SGCE: variants seen among roughly 807,000 people sequenced by gnomAD.
The protein encoded by SGCE is sarcoglycan epsilon.
A neutral mutation model predicts 57.8 loss-of-function variants in SGCE; 26 were observed. The observed-to-expected ratio is 0.45, with a 90% confidence interval of 0.33 to 0.62. SGCE has a LOEUF of 0.62. Ranked by LOEUF, SGCE falls within the 20% of genes least tolerant of loss-of-function variation. The pLI, the probability that SGCE is intolerant of heterozygous loss-of-function variation, is 0.02. For missense variants in SGCE, 468 were observed against 548.6 expected, an observed-to-expected ratio of 0.85 and a Z score of 1.47; for synonymous variants, 183 against 189.5, an observed-to-expected ratio of 0.97 and a Z score of 0.28.
chr7:94,596,901 T>C (rs1039619242), intron 9 of SGCE, among the ~76,000 whole-genome samples: 3 of 152,148 alleles, frequency 2.0e-5, no homozygotes, highest in Non-Finnish European at 4.4e-5. Flanking sequence ...AATAATAACC[T>C]TAAAGAATAA....
intron 10 of SGCE, 79 bp downstream of exon 10, chr7:94,588,610 T>C: frequency 3.9e-6 from 6 of 1,553,540 alleles, no homozygotes; most frequent in Non-Finnish European, 4.4e-6. Context: ...TAAAGCTTCA[T>C]AAATTATATA....
chr7:94,608,807 G>A (rs781004928), intron 5 of SGCE, among the ~76,000 whole-genome samples: 2 of 152,114 alleles, frequency 1.3e-5, no homozygotes, highest in Non-Finnish European at 2.9e-5. Context: ...AGGAGCAAAG[G>A]CAATACAATG....
chr7:94,588,211 T>C (rs778752952), intron 10 of SGCE: 17 of 1,068,590 alleles, frequency 1.6e-5, no homozygotes, highest in Non-Finnish European at 1.9e-5. Flanking sequence ...TTGTCATTGG[T>C]CATGTTATAA....
intron 1 of SGCE, among the ~76,000 whole-genome samples, chr7:94,642,771 C>A (rs1337443045): frequency 6.6e-6 from 1 of 152,200 alleles, no homozygotes; most frequent in Non-Finnish European, 1.5e-5. Context: ...TGGCCAAATT[C>A]TTCTCTACAA....
chr7:94,621,024 C>T (rs1416496929), intron 4 of SGCE: 1 of 152,274 alleles, frequency 6.6e-6, no homozygotes, highest in Non-Finnish European at 1.5e-5. Flanking sequence ...TTTATGTACT[C>T]TCCTTGAGCT....
At chr7:94,626,271 C>A (rs974910655) in intron 3 of SGCE, 1 of 151,990 alleles carries the variant, frequency 6.6e-6, no homozygotes, top group African/African-American at 2.4e-5. Context: ...AACAGACATT[C>A]ACAAATTTCA....
intron 5 of SGCE, among the ~76,000 whole-genome samples, chr7:94,616,158 C>A (rs1801906801): frequency 6.6e-6 from 1 of 152,066 alleles, no homozygotes; most frequent in Non-Finnish European, 1.5e-5. Context: ...GCAGGTTGGG[C>A]TCATGGGGAC....
At chr7:94,600,295 T>A (rs913820756) in intron 7 of SGCE, 7 of 241,706 alleles carry the variant, frequency 2.9e-5, no homozygotes, top group African/African-American at 1.4e-4. Context: ...CTAACACAAT[T>A]TTTTTAAGTG....
At chr7:94,652,283 G>C (rs185214174) in intron 1 of SGCE, among the ~76,000 whole-genome samples, 5 of 152,196 alleles carry the variant, frequency 3.3e-5, no homozygotes, top group Admixed American at 3.3e-4. Context: ...TATGCATTTA[G>C]GTGTTTACAG....
chr7:94,620,637 TTTCATTCAA>T (rs759747181), intron 4 of SGCE: 3 of 152,216 alleles, frequency 2.0e-5, no homozygotes, highest in Non-Finnish European at 4.4e-5. Context: ...AATCTATTCA[TTTCATTCAA>T]TGTTTTTACA....
At position 94,639,140 on chromosome 7, in the gene SGCE, G is replaced by A. The variant is rs17166394; in HGVS notation, c.110-9299C>T. 6.2e-4 allele frequency among the ~76,000 whole-genome samples: 94 copies of A among 152,242 alleles called. 1 individual carries two copies. The East Asian group carries it at 0.017, about 27-fold the overall frequency. Reference sequence around the variant, plus strand: ...AGGGCAAAGCTACAGCCAAGGAAGAGGACTTGAAAAATAATGGAATAAGAA... The same window carrying A: ...AGGGCAAAGCTACAGCCAAGGAAGAAGACTTGAAAAATAATGGAATAAGAA... On this transcript the variant is annotated intron_variant, in intron 1 of 10. Coordinates refer to ENST00000648936, the MANE Select transcript of SGCE (RefSeq NM_003919.3).
In SGCE at chr7:94,596,668, T is replaced by G. The variant is rs372683174; in HGVS notation, c.1253+2107A>C. Among the ~76,000 whole-genome samples the G allele has an allele frequency of 3.1e-3, 477 of 152,266 alleles. 2 individuals carry two copies. The highest frequency in any genetic ancestry group is 0.011 in the African/African-American group (458 of 41,566). On this transcript the variant is annotated intron_variant, in intron 9 of 10. Transcript: ENST00000648936. ...ATGCTTGGATAATGCTGCCTTGTAC[T>G]TATTAATTAACCCTTCTTAAAAGGG...
chr7:94,652,200 C>T (rs1291550392), intron 1 of SGCE, among the ~76,000 whole-genome samples: 1 of 152,082 alleles, frequency 6.6e-6, no homozygotes, highest in Non-Finnish European at 1.5e-5. Flanking sequence ...GAATTTCTAA[C>T]GAACACAGAC....
chr7:94,602,607 A>G (rs1042148668), intron 6 of SGCE, among the ~76,000 whole-genome samples: 2 of 152,120 alleles, frequency 1.3e-5, no homozygotes, highest in Non-Finnish European at 2.9e-5. Context: ...CAAAGAATTG[A>G]AACAACTCTC....
At chr7:94,599,118 C>T in intron 8 of SGCE, 155 bp from the exon 9 acceptor site, 1 of 597,800 alleles carries the variant, frequency 1.7e-6, no homozygotes, top group Non-Finnish European at 2.9e-6. Flanking sequence ...GAAAGGCATA[C>T]ATCTCACATA....
At chr7:94,614,252 G>T (rs1234138016) in intron 5 of SGCE, among the ~76,000 whole-genome samples, 3 of 151,620 alleles carry the variant, frequency 2.0e-5, no homozygotes, top group Admixed American at 6.6e-5. Flanking sequence ...TGTTCCTCTT[G>T]TTCATGTATC....
At chr7:94,652,115 G>C (rs948285394) in intron 1 of SGCE, among the ~76,000 whole-genome samples, 5 of 151,982 alleles carry the variant, frequency 3.3e-5, no homozygotes, top group African/African-American at 1.2e-4. Flanking sequence ...GAGGTTGAGA[G>C]GGATAGAAAG....
At chr7:94,623,141 T>A (rs1447485318) in intron 4 of SGCE, among the ~76,000 whole-genome samples, 184 bp downstream of exon 4, 5 of 152,158 alleles carry the variant, frequency 3.3e-5, no homozygotes, top group Non-Finnish European at 7.4e-5. Flanking sequence ...TTCACCATCA[T>A]AACACACCAT....
intron 9 of SGCE, 47 bp from the exon 10 acceptor site, chr7:94,588,779 T>C: frequency 6.2e-7 from 1 of 1,611,862 alleles, no homozygotes; most frequent in Admixed American, 1.7e-5. Flanking sequence ...TTTACACACT[T>C]GTAAACAGAG....
Sources: allele counts gnomAD v4.1 joint callset (sites outside exome capture counted in the v4.1 genomes callset), GRCh38; gene constraint gnomAD v4.1.1; transcripts MANE v1.5; gene names NCBI Gene and HGNC (gene_info 2026-07-23, HGNC 2026-07-21).